RETREG1: variants seen among roughly 807,000 people sequenced by gnomAD.
The protein encoded by RETREG1 is family with sequence similarity 134 member B.
RETREG1 carries 44 observed loss-of-function variants against 54.8 expected under a neutral mutation model. That is an observed-to-expected ratio of 0.80 (90% confidence interval 0.63 to 1.03). RETREG1 has a LOEUF of 1.03. Among genes scored for constraint, RETREG1 ranks in the 50% least tolerant of loss-of-function variants. RETREG1 has a pLI of 0.00. For synonymous variants in RETREG1, 217 were observed against 238.5 expected (o/e 0.91, Z 0.83); for missense variants, 554 against 605.1 (o/e 0.92, Z 0.89).
rs1742933770 is a variant in RETREG1, at chr5:16,597,432, C to T, written c.320+19220G>A. Reference sequence around the variant, plus strand: ...CATTAAATCCAAAAGCATCATAAATCTTAACCCCTAACCTTGGTGCCACAA... The same window carrying T: ...CATTAAATCCAAAAGCATCATAAATTTTAACCCCTAACCTTGGTGCCACAA... On this transcript the variant is annotated intron_variant, in intron 1 of 8. Transcript: ENST00000306320. This position sits in a 1 kb window ranked among gnomAD's most constrained non-coding sequence, Gnocchi z 4.3. Among the ~76,000 whole-genome samples, 1 of 152,220 alleles carries T rather than the reference C, an allele frequency of 6.6e-6. No individual in the cohort carries two copies. Among genetic ancestry groups the T allele is most frequent in the South Asian group, 2.1e-4 (1 of 4,832 alleles).
intron 1 of RETREG1, among the ~76,000 whole-genome samples, chr5:16,590,566 C>G (rs1412832159): frequency 6.6e-6 from 1 of 152,180 alleles, no homozygotes; most frequent in Non-Finnish European, 1.5e-5. Context: ...AACCCCTAGC[C>G]TAAGTGAAAC....
chr5:16,590,341 G>T (rs1742730542), intron 1 of RETREG1, among the ~76,000 whole-genome samples: 2 of 152,214 alleles, frequency 1.3e-5, no homozygotes, highest in Non-Finnish European at 2.9e-5. Flanking sequence ...CTACGCACCT[G>T]TACGGCCAGG....
At chr5:16,602,481 G>T (rs781120678) in intron 1 of RETREG1, among the ~76,000 whole-genome samples, 1 of 152,146 alleles carries the variant, frequency 6.6e-6, no homozygotes, top group Non-Finnish European at 1.5e-5. Context: ...ACTGGGAACC[G>T]TGAGGCTGAG....
At chr5:16,550,585 G>A (rs923829827) in intron 3 of RETREG1, among the ~76,000 whole-genome samples, 1 of 152,162 alleles carries the variant, frequency 6.6e-6, no homozygotes, top group Non-Finnish European at 1.5e-5. Context: ...CTGCCTGGTG[G>A]ACAAAAGCCA....
chr5:16,536,966 A>G (rs1236332183), intron 3 of RETREG1, among the ~76,000 whole-genome samples: 2 of 152,148 alleles, frequency 1.3e-5, no homozygotes, highest in Non-Finnish European at 1.5e-5. Flanking sequence ...AAGAGCTCCC[A>G]TCGTCAGAGA....
At chr5:16,517,389 T>C (rs538934309) in intron 3 of RETREG1, among the ~76,000 whole-genome samples, 65 of 152,368 alleles carry the variant, frequency 4.3e-4, no homozygotes, top group African/African-American at 1.4e-3. Flanking sequence ...TTGTTTATTA[T>C]TGTATCTCAG....
chr5:16,556,744 G>A (rs1282535598), intron 3 of RETREG1, among the ~76,000 whole-genome samples: 1 of 152,192 alleles, frequency 6.6e-6, no homozygotes, highest in African/African-American at 2.4e-5. Context: ...CATGTTGCCT[G>A]TGAAAGGAAT....
At chr5:16,541,855 T>A (rs1478900461) in intron 3 of RETREG1, among the ~76,000 whole-genome samples, 1 of 151,812 alleles carries the variant, frequency 6.6e-6, no homozygotes, top group Non-Finnish European at 1.5e-5. Flanking sequence ...GGTTTAAAAA[T>A]AAAAACTAAT....
At position 16,474,978 on chromosome 5, in the gene RETREG1, A is replaced by G; in HGVS notation, c.1257T>C (p.Ala419=). 6.2e-7 allele frequency: 1 copy of G among 1,613,876 alleles called. No individual in the cohort carries two copies. Residue 419 remains alanine (A), a synonymous_variant, in exon 9 of 9, where the codon GCT becomes GCC. Coordinates refer to ENST00000306320, the MANE Select transcript of RETREG1 (RefSeq NM_001034850.3). ...MSNLAGDVIT[A]AVTAAIKDQL... ...GGTCTTTGATAGCTGCAGTCACTGC[A>G]GCTGTGATAACATCCCCAGCCAGGT...
intron 3 of RETREG1, among the ~76,000 whole-genome samples, chr5:16,524,565 C>T (rs1740640273): frequency 6.6e-6 from 1 of 152,198 alleles, no homozygotes; most frequent in Non-Finnish European, 1.5e-5. Context: ...ATTCACGCTG[C>T]CAGACGCTGC....
At chr5:16,614,911 A>G (rs1290213437) in intron 1 of RETREG1, among the ~76,000 whole-genome samples, 1 of 152,182 alleles carries the variant, frequency 6.6e-6, no homozygotes, top group Non-Finnish European at 1.5e-5. Context: ...AATATGGTGT[A>G]TTTGCTGAAA....
At chr5:16,551,244 G>A (rs943234259) in intron 3 of RETREG1, among the ~76,000 whole-genome samples, 1 of 151,988 alleles carries the variant, frequency 6.6e-6, no homozygotes, top group African/African-American at 2.4e-5. Flanking sequence ...TCAGGCCCTT[G>A]AATTTGGTTT....
At chr5:16,494,753 C>T (rs1445231655) in intron 3 of RETREG1, among the ~76,000 whole-genome samples, 1 of 152,000 alleles carries the variant, frequency 6.6e-6, no homozygotes, top group Non-Finnish European at 1.5e-5. Flanking sequence ...CAAGAACAGA[C>T]TAATAGAGAA....
chr5:16,598,354 G>A (rs1742960417), intron 1 of RETREG1, among the ~76,000 whole-genome samples: 1 of 152,196 alleles, frequency 6.6e-6, no homozygotes. Context: ...TCCCCACATT[G>A]TGAGTTCCAT....
At chr5:16,512,356 C>G (rs1740205170) in intron 3 of RETREG1, among the ~76,000 whole-genome samples, 1 of 152,202 alleles carries the variant, frequency 6.6e-6, no homozygotes, top group African/African-American at 2.4e-5. Context: ...CCTACACATG[C>G]TGCAGAAGCC....
At chr5:16,582,574 G>C (rs1361478984) in intron 1 of RETREG1, among the ~76,000 whole-genome samples, 2 of 151,508 alleles carry the variant, frequency 1.3e-5, no homozygotes, top group African/African-American at 2.4e-5. Flanking sequence ...AGAGACAAAG[G>C]AGAGTGTCAG....
At chr5:16,495,415 C>T (rs1739411839) in intron 3 of RETREG1, among the ~76,000 whole-genome samples, 1 of 152,164 alleles carries the variant, frequency 6.6e-6, no homozygotes, top group Admixed American at 6.5e-5. Context: ...CTAGCAACCC[C>T]TCCCATCACA....
intron 3 of RETREG1, 40 bp from the exon 4 acceptor site, chr5:16,483,512 G>T: frequency 6.2e-7 from 1 of 1,605,632 alleles, no homozygotes. Flanking sequence ...CTGAACTTTG[G>T]ATGATTCATT....
At chr5:16,604,721 C>A (rs886441654) in intron 1 of RETREG1, among the ~76,000 whole-genome samples, 5 of 152,170 alleles carry the variant, frequency 3.3e-5, no homozygotes, top group African/African-American at 1.2e-4. Flanking sequence ...GGTGGCCACA[C>A]CTCACCCAAT....
Sources: allele counts gnomAD v4.1 joint callset (sites outside exome capture counted in the v4.1 genomes callset), GRCh38; gene constraint gnomAD v4.1.1; non-coding constraint Gnocchi (gnomAD v3.1); transcripts MANE v1.5; gene names NCBI Gene and HGNC (gene_info 2026-07-23, HGNC 2026-07-21).